WFDC11: variants seen among roughly 807,000 people sequenced by gnomAD.
WFDC11 encodes the protein protein WFDC11.
Under a neutral mutation model 9.9 loss-of-function variants are expected in WFDC11, and 9 were observed. The ratio of observed to expected loss-of-function variants is 0.91; its 90% CI spans 0.55 to 1.58. The LOEUF (loss-of-function observed/expected upper bound fraction) is 1.58, where lower values mean the gene tolerates loss of function less well. Among genes scored for constraint, WFDC11 ranks in the 40% most tolerant of loss-of-function variants. The pLI is 0.00. For synonymous variants in WFDC11, 32 were observed against 33.3 expected, an observed-to-expected ratio of 0.96 and a Z score of 0.13; for missense variants, 106 against 101.7, an observed-to-expected ratio of 1.04 and a Z score of -0.18.
chr20:45,653,283 T>A (rs997805570), intron 2 of WFDC11, among the ~76,000 whole-genome samples: 1 of 152,074 alleles, frequency 6.6e-6, no homozygotes, highest in African/African-American at 2.4e-5. Context: ...TCAACATTCT[T>A]AAAGAAAAGA....
At chr20:45,659,037 T>C (rs1982997691) in intron 2 of WFDC11, among the ~76,000 whole-genome samples, 1 of 152,274 alleles carries the variant, frequency 6.6e-6, no homozygotes, top group African/African-American at 2.4e-5. Flanking sequence ...ACAAAGGACA[T>C]GAACTCATCC....
chr20:45,668,797 A>G (rs1983238125), intron 1 of WFDC11, among the ~76,000 whole-genome samples: 1 of 152,168 alleles, frequency 6.6e-6, no homozygotes, highest in Admixed American at 6.5e-5. Context: ...TACTCTGCCA[A>G]TTAATCACCA....
At chr20:45,669,286 T>C (rs1286466681) in intron 1 of WFDC11, among the ~76,000 whole-genome samples, 1 of 152,204 alleles carries the variant, frequency 6.6e-6, no homozygotes, top group Non-Finnish European at 1.5e-5. Context: ...AAAACTCCAT[T>C]AAATCACATG....
chr20:45,653,229 C>G (rs1982850302), intron 2 of WFDC11, among the ~76,000 whole-genome samples: 1 of 152,246 alleles, frequency 6.6e-6, no homozygotes. Context: ...CAGTGGATCT[C>G]TCGGCAGAAA....
At chr20:45,664,580 T>A (rs184918945) in intron 2 of WFDC11, among the ~76,000 whole-genome samples, 2,127 of 152,364 alleles carry the variant, frequency 0.014, 90 homozygotes, top group Admixed American at 0.099. Context: ...CTACGTTTAG[T>A]GCTTCCTTCA....
intron 1 of WFDC11, among the ~76,000 whole-genome samples, chr20:45,667,588 G>A (rs568651401): frequency 1.7e-4 from 26 of 152,252 alleles, no homozygotes; most frequent in African/African-American, 6.3e-4. Context: ...TGTGACTTTT[G>A]TGAGGAAAAG....
In WFDC11 at chr20:45,666,207, G is replaced by A. The variant is rs757893703; in HGVS notation, c.-52+881C>T. Among the ~76,000 whole-genome samples the A allele has an allele frequency of 1.6e-3, 249 of 152,352 alleles. 1 individual carries two copies. The highest frequency in any genetic ancestry group is 2.5e-3 in the Non-Finnish European group (169 of 68,034). On this transcript the variant is annotated intron_variant, in intron 2 of 4. Coordinates refer to ENST00000324384, the MANE Select transcript of WFDC11 (RefSeq NM_147197.2). ...CTGCACTAGCAGTGAGCAAGGCTCC[G>A]TGGGTGTGGGACCCGCCAAGCCAGG...
At chr20:45,649,810 T>A (rs1276150140) in intron 3 of WFDC11, among the ~76,000 whole-genome samples, 1 of 152,126 alleles carries the variant, frequency 6.6e-6, no homozygotes, top group Non-Finnish European at 1.5e-5. Context: ...AGTGGGGAGC[T>A]AGGCCAGGTC....
chr20:45,669,353 C>G (rs1166365616), intron 1 of WFDC11, among the ~76,000 whole-genome samples: 1 of 152,036 alleles, frequency 6.6e-6, no homozygotes, highest in East Asian at 1.9e-4. Context: ...TCCAGGCCAC[C>G]CTAATAAAGT....
intron 2 of WFDC11, among the ~76,000 whole-genome samples, chr20:45,656,403 A>T (rs900142065): frequency 2.6e-5 from 4 of 152,222 alleles, no homozygotes; most frequent in African/African-American, 4.8e-5. Context: ...CTGAAACTAG[A>T]TCCTTTCCTT....
At chr20:45,660,879 G>A (rs528138441) in intron 2 of WFDC11, among the ~76,000 whole-genome samples, 3 of 152,250 alleles carry the variant, frequency 2.0e-5, no homozygotes, top group Non-Finnish European at 2.9e-5. Flanking sequence ...ATAAACATAC[G>A]TGTGCATGTG....
intron 4 of WFDC11, 38 bp downstream of exon 4, chr20:45,649,219 G>A (rs1982748320): frequency 6.2e-7 from 1 of 1,610,104 alleles, no homozygotes; most frequent in African/African-American, 1.3e-5. Flanking sequence ...ATGAGAATCA[G>A]TGAAGATATA....
chr20:45,659,872 T>C (rs1983017484), intron 2 of WFDC11, among the ~76,000 whole-genome samples: 1 of 152,198 alleles, frequency 6.6e-6, no homozygotes, highest in South Asian at 2.1e-4. Flanking sequence ...CTTTAATCCA[T>C]CTCGAGTTGA....
intron 2 of WFDC11, among the ~76,000 whole-genome samples, chr20:45,666,785 G>A (rs1156641117): frequency 6.6e-6 from 1 of 151,956 alleles, no homozygotes; most frequent in Non-Finnish European, 1.5e-5. Flanking sequence ...TCTTCAATTG[G>A]GGTTTATCTG....
chr20:45,653,205 G>A (rs1982849735), intron 2 of WFDC11, among the ~76,000 whole-genome samples: 1 of 152,162 alleles, frequency 6.6e-6, no homozygotes. Context: ...ACAAAGGGAA[G>A]CCCATCAGAC....
intron 2 of WFDC11, among the ~76,000 whole-genome samples, chr20:45,653,805 A>C (rs1982862283): frequency 6.6e-6 from 1 of 152,240 alleles, no homozygotes; most frequent in Non-Finnish European, 1.5e-5. Context: ...AACAGACTTT[A>C]AACCAACAAA....
In WFDC11 at chr20:45,670,201, G is replaced by A. The variant is rs943150259; in HGVS notation, c.-157C>T. ...ACCAACCAGAAAAGGCCCTGGACCA[G>A]ATGGATTCACAGCCAAATTCTACCA... On this transcript the variant is annotated 5_prime_UTR_variant, in exon 1 of 5. Coordinates refer to ENST00000324384, the MANE Select transcript of WFDC11 (RefSeq NM_147197.2). 2.0e-5 allele frequency: 3 copies of A among 152,044 alleles called. No individual in the cohort carries two copies. The East Asian group carries it at 5.8e-4, about 29-fold the overall frequency. The allele number at this position is 152,044 out of a possible 1,614,324, so 9.4% of individuals were successfully genotyped here.
At chr20:45,662,985 A>T (rs902842017) in intron 2 of WFDC11, among the ~76,000 whole-genome samples, 1 of 152,216 alleles carries the variant, frequency 6.6e-6, no homozygotes, top group Non-Finnish European at 1.5e-5. Context: ...GAATAATTTC[A>T]GAAGGAACGG....
intron 2 of WFDC11, among the ~76,000 whole-genome samples, chr20:45,656,327 C>A (rs1366901012): frequency 1.3e-5 from 2 of 152,114 alleles, no homozygotes; most frequent in East Asian, 1.9e-4. Flanking sequence ...GAAAAACAAG[C>A]AATGGGGAAA....
Sources: gnomAD v4.1 joint callset for allele counts (sites outside exome capture counted in the v4.1 genomes callset) on GRCh38, gnomAD v4.1.1 for gene constraint, MANE v1.5 for transcripts, NCBI Gene and HGNC (gene_info 2026-07-23, HGNC 2026-07-21) for gene names.